P3H2: variants seen among roughly 807,000 people sequenced by gnomAD.
P3H2 encodes prolyl 3-hydroxylase 2.
P3H2 carries 80 observed loss-of-function variants against 87.0 expected under a neutral mutation model. The observed-to-expected ratio is 0.92, with a 90% CI of 0.77 to 1.11. The LOEUF (loss-of-function observed/expected upper bound fraction) is 1.11. P3H2 is among the 50% of genes least tolerant of loss of function. The pLI is 0.00. For synonymous variants in P3H2, 367 were observed against 359.3 expected, an observed-to-expected ratio of 1.02 and a Z score of -0.24; for missense variants, 1,001 against 923.9, an observed-to-expected ratio of 1.08 and a Z score of -1.08.
chr3:190,072,776 A>G (rs1338573121), intron 1 of P3H2, among the ~76,000 whole-genome samples: 1 of 152,218 alleles, frequency 6.6e-6, no homozygotes, highest in Non-Finnish European at 1.5e-5. Context: ...AACTGTTTAA[A>G]TTTATATGTA....
chr3:190,111,046 T>C (rs547096128), intron 1 of P3H2, among the ~76,000 whole-genome samples: 1 of 152,068 alleles, frequency 6.6e-6, no homozygotes, highest in African/African-American at 2.4e-5. Context: ...GATCTCCCTC[T>C]TTCTGGCTCC....
chr3:190,064,090 C>G (rs111666229), intron 1 of P3H2, among the ~76,000 whole-genome samples: 7 of 149,108 alleles, frequency 4.7e-5, no homozygotes, highest in African/African-American at 1.7e-4. Flanking sequence ...CTCCCAGGCT[C>G]AAGTGATCCT....
At chr3:190,055,524 C>A (rs1726122749) in intron 1 of P3H2, among the ~76,000 whole-genome samples, 1 of 121,332 alleles carries the variant, frequency 8.2e-6, no homozygotes, top group African/African-American at 3.8e-5. Flanking sequence ...ATACAGAGTG[C>A]TTTTTTTTTT....
intron 1 of P3H2, among the ~76,000 whole-genome samples, chr3:190,027,726 C>T (rs1395349466): frequency 2.0e-5 from 3 of 150,546 alleles, no homozygotes; most frequent in African/African-American, 7.3e-5. Context: ...AGTGGGTAAT[C>T]GATTCATAAA....
intron 1 of P3H2, among the ~76,000 whole-genome samples, chr3:190,049,806 A>G (rs566062419): frequency 6.6e-6 from 1 of 152,180 alleles, no homozygotes; most frequent in Non-Finnish European, 1.5e-5. Context: ...CACCTCCTTT[A>G]AGTGCATTTC....
intron 1 of P3H2, among the ~76,000 whole-genome samples, chr3:190,014,414 A>C (rs1476926760): frequency 6.6e-6 from 1 of 152,222 alleles, no homozygotes; most frequent in Non-Finnish European, 1.5e-5. Context: ...CCTAGGATCA[A>C]CCTTGACAGA....
At chr3:189,978,555 C>T (rs944284708) in intron 8 of P3H2, among the ~76,000 whole-genome samples, 8 of 151,776 alleles carry the variant, frequency 5.3e-5, no homozygotes, top group South Asian at 2.1e-4. Context: ...TCTTGGGTTC[C>T]GGGAGAATCT....
intron 1 of P3H2, among the ~76,000 whole-genome samples, chr3:190,090,564 A>G (rs7610843): frequency 2.0e-5 from 3 of 152,154 alleles, no homozygotes; most frequent in East Asian, 1.9e-4. Flanking sequence ...TTAGCTGGGC[A>G]TGGTGGCGGG....
chr3:190,120,181 CA>C, intron 1 of P3H2, 70 bp downstream of exon 1: 2 of 1,534,474 alleles, frequency 1.3e-6, no homozygotes, highest in Non-Finnish European at 1.8e-6. Flanking sequence ...ATGACGGGGG[CA>C]GCAGGGAGGG....
At chr3:190,110,842 C>T (rs67585542) in intron 1 of P3H2, among the ~76,000 whole-genome samples, 18,816 of 152,168 alleles carry the variant, frequency 0.12, 1,288 homozygotes, top group Middle Eastern at 0.21. Flanking sequence ...TTAGAAGTTT[C>T]TTTGTTTTGT....
At chr3:189,986,411 C>T (rs1723698616) in intron 6 of P3H2, among the ~76,000 whole-genome samples, 3 of 151,958 alleles carry the variant, frequency 2.0e-5, no homozygotes, top group Admixed American at 2.0e-4. Flanking sequence ...ATGGTGAAAC[C>T]CCATCTCTAC....
At chr3:190,034,038 G>A (rs1725336824) in intron 1 of P3H2, among the ~76,000 whole-genome samples, 1 of 152,142 alleles carries the variant, frequency 6.6e-6, no homozygotes, top group Admixed American at 6.5e-5. Flanking sequence ...TCACGTTACA[G>A]AATACTTTCG....
At chr3:190,075,921 A>G (rs1366698770) in intron 1 of P3H2, among the ~76,000 whole-genome samples, 1 of 152,216 alleles carries the variant, frequency 6.6e-6, no homozygotes, top group Non-Finnish European at 1.5e-5. Flanking sequence ...ACTTCCCACA[A>G]CTAACACTTT....
intron 1 of P3H2, among the ~76,000 whole-genome samples, chr3:190,114,783 T>G (rs545384900): frequency 6.6e-6 from 1 of 152,262 alleles, no homozygotes; most frequent in East Asian, 1.9e-4. Context: ...AAATAACCAT[T>G]AGAACAATTT....
rs1360200281 is a variant in P3H2, at chr3:190,120,454, G to A, written c.278C>T (p.Pro93Leu). Residue 93 changes from proline to leucine, a missense_variant, in exon 1 of 15, where the codon CCG becomes CTG. Coordinates refer to ENST00000319332, the MANE Select transcript of P3H2 (RefSeq NM_018192.4). ...CTCGCCGGGGGGCGGGGGCGGGAGC[G>A]GGTGGCGCGCCGCGCAGTGGCGGGC... ...RCARHCAARHPLPPPPPGEGP... is the reference protein window; with the variant it reads ...RCARHCAARHLLPPPPPGEGP... 7.0e-7 allele frequency: 1 copy of A among 1,426,018 alleles called. No individual in the cohort carries two copies. The highest frequency in any genetic ancestry group is 9.1e-7 in the Non-Finnish European group (1 of 1,101,106). 88.3% of individuals were successfully genotyped at this position (1,426,018 alleles called of 1,614,324 possible). A position where few individuals can be genotyped will look rare whatever the true frequency, so the allele number is the denominator to read the frequency against.
intron 1 of P3H2, among the ~76,000 whole-genome samples, chr3:190,030,453 G>C (rs1477472285): frequency 6.6e-6 from 1 of 152,158 alleles, no homozygotes; most frequent in African/African-American, 2.4e-5. Context: ...AACCCTGGAG[G>C]CTGAGGTGGG....
chr3:189,992,573 C>A (rs1454058792), intron 3 of P3H2, among the ~76,000 whole-genome samples: 1 of 152,264 alleles, frequency 6.6e-6, no homozygotes, highest in Middle Eastern at 3.4e-3. Flanking sequence ...TTATCCTTTG[C>A]CTACTTTTCA....
intron 1 of P3H2, among the ~76,000 whole-genome samples, chr3:190,106,314 G>A (rs1466128606): frequency 6.6e-6 from 1 of 152,150 alleles, no homozygotes; most frequent in East Asian, 1.9e-4. Flanking sequence ...TTATCTTGAT[G>A]GTGGAGAGGC....
At chr3:189,964,743 G>A (rs545513990) in intron 13 of P3H2, among the ~76,000 whole-genome samples, 2 of 152,328 alleles carry the variant, frequency 1.3e-5, no homozygotes, top group East Asian at 3.9e-4. Flanking sequence ...CCTTGGAGTG[G>A]CCTATTCGCC....
Sources: gnomAD v4.1 joint callset for allele counts (sites outside exome capture counted in the v4.1 genomes callset) on GRCh38, gnomAD v4.1.1 for gene constraint, MANE v1.5 for transcripts, NCBI Gene and HGNC (gene_info 2026-07-23, HGNC 2026-07-21) for gene names.